Variants in SLC25A12 observed in about 807,000 individuals in gnomAD.
SLC25A12 encodes electrogenic aspartate/glutamate antiporter SLC25A12, mitochondrial.
SLC25A12 carries 32 observed loss-of-function variants against 83.3 expected under a neutral mutation model. The observed-to-expected ratio is 0.38, with a 90% confidence interval of 0.29 to 0.52. The LOEUF (loss-of-function observed/expected upper bound fraction) is 0.52. SLC25A12 is among the 20% of genes least tolerant of loss of function. The pLI, the probability that SLC25A12 is intolerant of heterozygous loss-of-function variation, is 0.84. For synonymous variants in SLC25A12, 267 were observed against 291.1 expected, an observed-to-expected ratio of 0.92 and a Z score of 0.84; for missense variants, 611 against 835.6, an observed-to-expected ratio of 0.73 and a Z score of 3.31.
At chr2:171,788,071 G>C in intron 15 of SLC25A12, 124 bp from the exon 16 acceptor site, 1 of 918,398 alleles carries the variant, frequency 1.1e-6, no homozygotes, top group East Asian at 2.6e-5. Flanking sequence ...TCTTTACATA[G>C]ATGTCTGGCC....
intron 13 of SLC25A12, among the ~76,000 whole-genome samples, chr2:171,802,899 G>A (rs191644680): frequency 2.0e-5 from 3 of 152,220 alleles, no homozygotes; most frequent in Non-Finnish European, 4.4e-5. Flanking sequence ...CCTGTAGTAA[G>A]TGAGAGTTGC....
At chr2:171,800,944 G>A (rs1683698163) in intron 13 of SLC25A12, among the ~76,000 whole-genome samples, 1 of 152,152 alleles carries the variant, frequency 6.6e-6, no homozygotes, top group African/African-American at 2.4e-5. Flanking sequence ...ATGGGGTAAG[G>A]GAGAAGGGAC....
At chr2:171,808,870 A>G (rs1683891719) in intron 13 of SLC25A12, among the ~76,000 whole-genome samples, 1 of 144,072 alleles carries the variant, frequency 6.9e-6, no homozygotes, top group African/African-American at 2.6e-5. Flanking sequence ...CAACCCCATG[A>G]CAGGCCCCAG....
rs186682297 is a variant in SLC25A12 at position 171,886,580 on chromosome 2, G to A, written c.66+6625C>T. 1.8e-3 allele frequency among the ~76,000 whole-genome samples: 278 copies of A among 151,730 alleles called. 1 individual carries two copies. The highest frequency in any genetic ancestry group is 4.8e-3 in the Admixed American group (73 of 15,226). On this transcript the variant is annotated intron_variant, in intron 2 of 17. Transcript: ENST00000422440. ...GCTGGAGTGCAGTGGCGCGATCTCG[G>A]CTCACTGCAACCTCAGCCTCCCAGG...
At position 171,815,105 on chromosome 2, in the gene SLC25A12, C is replaced by T; in HGVS notation, c.1012+16G>A. 1 of 1,605,872 alleles carries T rather than the reference C, an allele frequency of 6.2e-7. No individual in the cohort carries two copies. The highest frequency in any genetic ancestry group is 1.1e-5 in the South Asian group (1 of 90,930). Reference sequence around the variant, plus strand: ...ATTAACACAAGCCTCAAACAGCACACAGACATGTCACTCACCTCCAGCAAC... The same window carrying T: ...ATTAACACAAGCCTCAAACAGCACATAGACATGTCACTCACCTCCAGCAAC... On this transcript the variant is annotated intron_variant, in intron 10 of 17. Coordinates refer to ENST00000422440, the MANE Select transcript of SLC25A12 (RefSeq NM_003705.5).
At chr2:171,794,820 G>A (rs909566531) in intron 13 of SLC25A12, among the ~76,000 whole-genome samples, 19 of 151,868 alleles carry the variant, frequency 1.3e-4, no homozygotes, top group Non-Finnish European at 2.2e-4. Context: ...TATAATCATT[G>A]TATATAATCA....
chr2:171,816,876 T>C (rs185783825), intron 9 of SLC25A12, among the ~76,000 whole-genome samples: 2 of 152,336 alleles, frequency 1.3e-5, no homozygotes, highest in East Asian at 3.9e-4. Context: ...GATTCACTGC[T>C]TGTGACTCCC....
intron 4 of SLC25A12, among the ~76,000 whole-genome samples, chr2:171,847,478 G>A (rs1684824200): frequency 6.6e-6 from 1 of 152,176 alleles, no homozygotes; most frequent in Non-Finnish European, 1.5e-5. Flanking sequence ...ACATGAAAGG[G>A]AACACCAATA....
intron 8 of SLC25A12, among the ~76,000 whole-genome samples, chr2:171,833,452 C>A (rs1319842644): frequency 1.3e-5 from 2 of 152,142 alleles, no homozygotes; most frequent in Admixed American, 1.3e-4. Flanking sequence ...AGGGAGCCTT[C>A]ACTTCAGTCT....
intron 8 of SLC25A12, among the ~76,000 whole-genome samples, chr2:171,830,369 G>C (rs750241250): frequency 5.3e-5 from 8 of 152,020 alleles, no homozygotes; most frequent in Non-Finnish European, 8.8e-5. Context: ...AGCTTATTTT[G>C]AAGAGATATT....
chr2:171,802,082 T>C (rs1353134853), intron 13 of SLC25A12, among the ~76,000 whole-genome samples: 1 of 152,166 alleles, frequency 6.6e-6, no homozygotes, highest in Non-Finnish European at 1.5e-5. Context: ...ACACTCAACA[T>C]TCATAAGAGA....
At chr2:171,826,665 T>C (rs960613348) in intron 9 of SLC25A12, 133 bp downstream of exon 9, 23 of 694,868 alleles carry the variant, frequency 3.3e-5, no homozygotes, top group African/African-American at 1.6e-4. Context: ...ATAAAGGTAA[T>C]CTTTAAGCTA....
chr2:171,786,954 G>A (rs184324692), intron 17 of SLC25A12, among the ~76,000 whole-genome samples: 1 of 152,312 alleles, frequency 6.6e-6, no homozygotes, highest in African/African-American at 2.4e-5. Flanking sequence ...TTCTGTGAAA[G>A]GGCCATATAA....
chr2:171,787,367 G>A (rs534435039), intron 17 of SLC25A12, among the ~76,000 whole-genome samples: 16 of 152,248 alleles, frequency 1.1e-4, no homozygotes, highest in Admixed American at 1.0e-3. Flanking sequence ...CCAAATAGCT[G>A]CTTAATATTA....
At chr2:171,867,093 C>T (rs1685342157) in intron 3 of SLC25A12, among the ~76,000 whole-genome samples, 1 of 151,580 alleles carries the variant, frequency 6.6e-6, no homozygotes, top group Non-Finnish European at 1.5e-5. Context: ...GGCAGAGACG[C>T]TCCTCACTTC....
rs1287304116 is a variant in SLC25A12, at chr2:171,787,636, C to T, written c.1770G>A (p.Gln590=). ...CATAAGTGACCAAGGTAACACCAAACTGGGGAGAGGATCGAAACACTCGAG... is the reference window on the plus strand; with the variant it reads ...CATAAGTGACCAAGGTAACACCAAATTGGGGAGAGGATCGAAACACTCGAG... ...TAARVFRSSP[Q]FGVTLVTYEL... is the part of the protein sequence containing the mutation. The change falls in exon 17 of 18, where the codon CAG becomes CAA. Residue 590 remains glutamine (Q), a synonymous_variant. Coordinates refer to ENST00000422440, the MANE Select transcript of SLC25A12 (RefSeq NM_003705.5). 6.2e-7 allele frequency: 1 copy of T among 1,614,146 alleles called. No individual in the cohort carries two copies. The highest frequency in any genetic ancestry group is 1.7e-5 in the Admixed American group (1 of 60,024).
At chr2:171,861,378 A>G (rs1296443857) in intron 3 of SLC25A12, among the ~76,000 whole-genome samples, 1 of 151,738 alleles carries the variant, frequency 6.6e-6, no homozygotes, top group Non-Finnish European at 1.5e-5. Flanking sequence ...CTGCAATGCT[A>G]ACATAAAGCA....
intron 4 of SLC25A12, among the ~76,000 whole-genome samples, chr2:171,850,349 T>C (rs1461884751): frequency 1.5e-5 from 2 of 133,456 alleles, no homozygotes; most frequent in South Asian, 5.5e-4. Flanking sequence ...TTTTTTTTTT[T>C]TTTTTTTTTT....
intron 13 of SLC25A12, among the ~76,000 whole-genome samples, chr2:171,795,761 CA>C (rs1259820199): frequency 1.3e-5 from 2 of 151,822 alleles, no homozygotes; most frequent in Non-Finnish European, 2.9e-5. Context: ...AGGAGTACTC[CA>C]ATCCGTGTCC....
Sources: gnomAD v4.1 joint callset for allele counts (sites outside exome capture counted in the v4.1 genomes callset) on GRCh38, gnomAD v4.1.1 for gene constraint, MANE v1.5 for transcripts, NCBI Gene and HGNC (gene_info 2026-07-23, HGNC 2026-07-21) for gene names.